RASEF: variants seen among roughly 807,000 people sequenced by gnomAD.
RASEF encodes ras and EF-hand domain-containing protein.
Under a neutral mutation model 90.1 loss-of-function variants are expected in RASEF, and 68 were observed. That is an observed-to-expected ratio of 0.75 (90% CI 0.62 to 0.92). The LOEUF is 0.92. RASEF is among the 40% of genes least tolerant of loss of function. The probability of loss-of-function intolerance (pLI) is 0.00; values close to 1 mark genes in which losing one functional copy is unlikely to be tolerated. For synonymous variants in RASEF, 331 were observed against 345.2 expected, an observed-to-expected ratio of 0.96 and a Z score of 0.46; for missense variants, 949 against 937.2, an observed-to-expected ratio of 1.01 and a Z score of -0.16.
intron 3 of RASEF, among the ~76,000 whole-genome samples, chr9:83,019,385 T>A (rs1182635847): frequency 6.6e-6 from 1 of 152,062 alleles, no homozygotes; most frequent in Non-Finnish European, 1.5e-5. Flanking sequence ...ACACAACTAG[T>A]CATTAGAGAG....
the RASEF span, among the ~76,000 whole-genome samples, chr9:83,174,069 C>A: frequency 6.6e-6 from 1 of 151,734 alleles, no homozygotes. Flanking sequence ...ATACTAGATA[C>A]ATAATTTGAA....
the RASEF span, among the ~76,000 whole-genome samples, chr9:83,094,313 A>T: frequency 6.8e-6 from 1 of 147,412 alleles, no homozygotes; most frequent in African/African-American, 2.7e-5. Flanking sequence ...TTAGTACAAA[A>T]AAAGCTTATA....
the RASEF span, among the ~76,000 whole-genome samples, chr9:83,106,628 G>A: frequency 6.6e-6 from 1 of 152,096 alleles, no homozygotes; most frequent in African/African-American, 2.4e-5. Context: ...TCTCCTTTGT[G>A]TCCCATCAGC....
At chr9:83,079,915 C>CTCATG in the RASEF span, among the ~76,000 whole-genome samples, 2 of 151,698 alleles carry the variant, frequency 1.3e-5, no homozygotes, top group Non-Finnish European at 2.9e-5. Context: ...TAAAAAAATA[C>CTCATG]TCAGAGAATC....
the RASEF span, among the ~76,000 whole-genome samples, chr9:83,209,173 T>C: frequency 6.6e-6 from 1 of 152,206 alleles, no homozygotes; most frequent in Non-Finnish European, 1.5e-5. Context: ...AATAATGAGG[T>C]AACGCCTGAA....
the RASEF span, among the ~76,000 whole-genome samples, chr9:83,156,708 C>G: frequency 6.6e-6 from 1 of 152,190 alleles, no homozygotes. Context: ...TTGCACAGAA[C>G]AATTCTGGGT....
the RASEF span, among the ~76,000 whole-genome samples, chr9:83,160,855 G>A: frequency 4.6e-5 from 7 of 152,168 alleles, no homozygotes; most frequent in South Asian, 2.1e-4. Flanking sequence ...GCTGTGACTC[G>A]AAGGGGCCCA....
chr9:83,063,088 G>A lies in RASEF; in HGVS notation c.-221C>T. ...CGGGCCAGCCCCCAACAGGTCCCGGGAGCGGTGGGGTGCGCCCGGGCTCCA... is the reference window on the plus strand; with the variant it reads ...CGGGCCAGCCCCCAACAGGTCCCGGAAGCGGTGGGGTGCGCCCGGGCTCCA... On this transcript the variant is annotated 5_prime_UTR_variant, in exon 1 of 17. Coordinates refer to ENST00000376447, the MANE Select transcript of RASEF (RefSeq NM_152573.4). The A allele has an allele frequency of 6.1e-6, 3 of 494,124 alleles. No homozygotes were observed. Among genetic ancestry groups the A allele is most frequent in the East Asian group, 3.6e-5 (1 of 27,882 alleles). The allele number at this position is 494,124 out of a possible 1,614,324, so 30.6% of individuals were successfully genotyped here.
At chr9:83,075,874 A>G in the RASEF span, among the ~76,000 whole-genome samples, 1 of 152,162 alleles carries the variant, frequency 6.6e-6, no homozygotes. Context: ...AGAGATCTAA[A>G]AAATTCTAAA....
chr9:83,119,172 A>ATTTTTTTT, the RASEF span, among the ~76,000 whole-genome samples: 1 of 119,416 alleles, frequency 8.4e-6, no homozygotes. Context: ...CATGCGGGCT[A>ATTTTTTTT]TTTTTTTTTT....
chr9:83,082,304 T>C, the RASEF span, among the ~76,000 whole-genome samples: 1 of 152,194 alleles, frequency 6.6e-6, no homozygotes, highest in Admixed American at 6.5e-5. Context: ...GAACCTGACC[T>C]ATCTATCACT....
the RASEF span, among the ~76,000 whole-genome samples, chr9:83,164,996 T>C: frequency 6.6e-6 from 1 of 151,714 alleles, no homozygotes; most frequent in African/African-American, 2.4e-5. Flanking sequence ...AGAATCAAAA[T>C]ACATAAGGCA....
At chr9:83,205,785 T>G in the RASEF span, among the ~76,000 whole-genome samples, 3 of 152,224 alleles carry the variant, frequency 2.0e-5, no homozygotes, top group Non-Finnish European at 2.9e-5. Flanking sequence ...TTGAAATGTT[T>G]AAATGTTTAA....
the RASEF span, among the ~76,000 whole-genome samples, chr9:83,209,505 C>T: frequency 1.3e-5 from 2 of 152,188 alleles, no homozygotes; most frequent in African/African-American, 4.8e-5. Flanking sequence ...CAAATTTGGC[C>T]AGAAGAAACT....
the RASEF span, among the ~76,000 whole-genome samples, chr9:83,171,706 A>G: frequency 2.0e-5 from 3 of 151,920 alleles, no homozygotes; most frequent in East Asian, 5.8e-4. Flanking sequence ...TTTGAAATGT[A>G]TTGGCATATA....
the RASEF span, among the ~76,000 whole-genome samples, chr9:83,086,767 A>C: frequency 2.7e-3 from 417 of 152,236 alleles, 2 homozygotes; most frequent in African/African-American, 9.7e-3. Context: ...CCTCATGAGA[A>C]GACTGCTGGC....
upstream of RASEF, among the ~76,000 whole-genome samples, chr9:83,065,020 A>G (rs1830269698): frequency 6.6e-6 from 1 of 152,210 alleles, no homozygotes; most frequent in African/African-American, 2.4e-5. Context: ...GTGAGCCGAG[A>G]TCGCGCCACT....
rs376140157 is a variant in RASEF, at chr9:83,005,538, A to G, written c.1029-38T>C. The G allele has an allele frequency of 3.1e-5, 45 of 1,463,274 alleles. No individual in the cohort carries two copies. In the African/African-American group the frequency reaches 5.7e-4, roughly 19 times the overall value. 90.6% of individuals were successfully genotyped at this position (1,463,274 alleles called of 1,614,324 possible). On this transcript the variant is annotated intron_variant, in intron 7 of 16. Coordinates refer to ENST00000376447, the MANE Select transcript of RASEF (RefSeq NM_152573.4). The stretch of plus-strand genomic sequence containing the variant: ...GAAACAAGCAGAAAGAGAGACAAGG[A>G]AAGTATCATTGGGGGTCACTGTCAT...
the RASEF span, among the ~76,000 whole-genome samples, chr9:83,079,552 C>T: frequency 2.0e-5 from 3 of 152,142 alleles, no homozygotes; most frequent in Non-Finnish European, 4.4e-5. Context: ...GAGGAATCCG[C>T]CTCCATGACC....
Sources: gnomAD v4.1 joint callset for allele counts (sites outside exome capture counted in the v4.1 genomes callset) on GRCh38, gnomAD v4.1.1 for gene constraint, MANE v1.5 for transcripts, NCBI Gene and HGNC (gene_info 2026-07-23, HGNC 2026-07-21) for gene names.